Variants in RBP2 observed in about 807,000 individuals in gnomAD.
RBP2 encodes retinol-binding protein 2.
Under a neutral mutation model 17.0 loss-of-function variants are expected in RBP2, and 17 were observed. That is an observed-to-expected ratio of 1.00 (90% CI 0.68 to 1.50). The LOEUF (loss-of-function observed/expected upper bound fraction) is 1.50, where lower values mean the gene tolerates loss of function less well. Ranked by LOEUF, RBP2 falls within the 40% of genes most tolerant of loss-of-function variation. The pLI is 0.00. For missense variants in RBP2, 158 were observed against 168.2 expected, an observed-to-expected ratio of 0.94 and a Z score of 0.33; for synonymous variants, 48 against 57.1, an observed-to-expected ratio of 0.84 and a Z score of 0.72.
At chr3:139,460,079 A>G (rs1453686634) in intron 2 of RBP2, among the ~76,000 whole-genome samples, 10 of 152,200 alleles carry the variant, frequency 6.6e-5, no homozygotes, top group African/African-American at 2.4e-4. Flanking sequence ...GTCACAAAGG[A>G]TCAAGTCAGA....
rs371742089 is a variant in RBP2 at position 139,453,109 on chromosome 3, G to A, written c.*7C>T. ...AGCTTGTGCTTGGCAGGCCTCCCAC[G>A]TCGCCATCATTTCTTTTTGAACACT... is the stretch of plus-strand genomic sequence containing the variant. On this transcript the variant is annotated 3_prime_UTR_variant, in exon 4 of 4. Transcript: ENST00000232217. 98 of 1,613,972 alleles carry A rather than the reference G, an allele frequency of 6.1e-5. No homozygotes were observed. The highest frequency in any genetic ancestry group is 3.1e-4 in the East Asian group (14 of 44,884).
At chr3:139,456,293 T>C (rs1932956473) in intron 2 of RBP2, among the ~76,000 whole-genome samples, 1 of 149,220 alleles carries the variant, frequency 6.7e-6, no homozygotes, top group African/African-American at 2.6e-5. Context: ...TTTGGGCCTG[T>C]TTTTTTTGGT....
chr3:139,475,579 C>G (rs1210796909), intron 1 of RBP2, among the ~76,000 whole-genome samples: 2 of 152,126 alleles, frequency 1.3e-5, no homozygotes, highest in Non-Finnish European at 2.9e-5. Context: ...GAAGTTACCC[C>G]ATATGTGGAG....
At chr3:139,466,984 G>T (rs1398204028) in intron 1 of RBP2, among the ~76,000 whole-genome samples, 1 of 152,058 alleles carries the variant, frequency 6.6e-6, no homozygotes, top group Non-Finnish European at 1.5e-5. Context: ...GCTCCCCTCT[G>T]CCTGCCAACA....
chr3:139,455,289 C>T (rs1170814478), intron 2 of RBP2, among the ~76,000 whole-genome samples: 1 of 152,158 alleles, frequency 6.6e-6, no homozygotes, highest in South Asian at 2.1e-4. Flanking sequence ...CTTAATAGTT[C>T]ACGTTAACAA....
intron 1 of RBP2, among the ~76,000 whole-genome samples, chr3:139,465,433 T>A (rs952186397): frequency 1.7e-4 from 26 of 152,168 alleles, no homozygotes; most frequent in Non-Finnish European, 3.4e-4. Flanking sequence ...TTTTATTTTA[T>A]CCTCATTTTG....
chr3:139,463,437 C>T (rs961870116), intron 1 of RBP2, among the ~76,000 whole-genome samples: 1 of 152,212 alleles, frequency 6.6e-6, no homozygotes, highest in South Asian at 2.1e-4. Flanking sequence ...CTGCCCACCT[C>T]GGCCTCCCAA....
rs1483424925 is a variant in RBP2, at chr3:139,462,290, T to C, written c.74A>G (p.Asp25Gly). 1 of 1,614,084 alleles carries C rather than the reference T, an allele frequency of 6.2e-7. No homozygotes were observed. Among genetic ancestry groups the C allele is most frequent in the Non-Finnish European group, 8.5e-7 (1 of 1,179,954 alleles). ...AATCTTGCGGGTGGCAAAATCAATA[T>C]CTGTTGGCAAAGGGAGTTGTGGAGG... Reference protein sequence around the residue: ...ENFEGYMKALDIDFATRKIAV... With the variant: ...ENFEGYMKALGIDFATRKIAV... Residue 25 changes from aspartate to glycine, a missense_variant and splice_region_variant, in exon 2 of 4, where the codon GAT becomes GGT. By Grantham distance (94) the Asp-to-Gly change is moderately conservative. Transcript: ENST00000232217.
intron 1 of RBP2, among the ~76,000 whole-genome samples, chr3:139,474,229 C>A (rs567674875): frequency 1.3e-5 from 2 of 152,188 alleles, no homozygotes; most frequent in African/African-American, 4.8e-5. Flanking sequence ...CCCTTACTCA[C>A]ATTAAAGGTG....
At chr3:139,475,068 T>G (rs775972746) in intron 1 of RBP2, among the ~76,000 whole-genome samples, 26 of 152,162 alleles carry the variant, frequency 1.7e-4, no homozygotes, top group Non-Finnish European at 1.9e-4. Flanking sequence ...ACGTCTGTAA[T>G]CCCAGCACTT....
intron 2 of RBP2, among the ~76,000 whole-genome samples, chr3:139,455,130 A>G (rs1482653754): frequency 6.6e-6 from 1 of 152,226 alleles, no homozygotes; most frequent in Non-Finnish European, 1.5e-5. Flanking sequence ...ATTTCACTAT[A>G]TAACGATGTA....
intron 2 of RBP2, among the ~76,000 whole-genome samples, chr3:139,456,770 AAAGC>A (rs1932983648): frequency 6.6e-6 from 1 of 152,194 alleles, no homozygotes; most frequent in African/African-American, 2.4e-5. Context: ...TCATATTCCC[AAAGC>A]TAATTTGAAA....
rs202089726 is a variant in RBP2 at position 139,462,031 on chromosome 3, AT to A, written c.252+80del. On this transcript the variant is annotated intron_variant, in intron 2 of 3. Coordinates refer to ENST00000232217, the MANE Select transcript of RBP2 (RefSeq NM_004164.3). ...TGATTTTTCCCAGGTTGTTTCTAAT[AT>A]TTTTTTTTTCATCATGATACCAAAT... is the stretch of plus-strand genomic sequence containing the variant. 3,051 of 1,332,902 alleles carry A rather than the reference AT, an allele frequency of 2.3e-3. 14 individuals are homozygous for A. Among genetic ancestry groups the A allele is most frequent in the African/African-American group, 0.018 (1,224 of 67,204 alleles). 82.6% of individuals were successfully genotyped at this position (1,332,902 alleles called of 1,614,324 possible).
chr3:139,453,134 T>C lies in RBP2; in HGVS notation c.387A>G (p.Gln129=), dbSNP rs758299337. The part of the protein sequence containing the change: ...ELTCGDQVCR[Q]VFKKK ...GTCGCCATCATTTCTTTTTGAACAC[T>C]TGACGGCACACCTGGTCACCACAGG... Residue 129 remains glutamine (Q), a synonymous_variant, in exon 4 of 4, where the codon CAA becomes CAG. Coordinates refer to ENST00000232217, the MANE Select transcript of RBP2 (RefSeq NM_004164.3). 1 of 1,614,142 alleles carries C rather than the reference T, an allele frequency of 6.2e-7. No homozygotes were observed.
At chr3:139,454,087 T>C (rs1177331146) in intron 3 of RBP2, among the ~76,000 whole-genome samples, 1 of 152,114 alleles carries the variant, frequency 6.6e-6, no homozygotes, top group Non-Finnish European at 1.5e-5. Flanking sequence ...CATTTACAAA[T>C]GAGCGAAAAA....
chr3:139,476,320 G>A (rs138170183), intron 1 of RBP2, 67 bp downstream of exon 1: 1 of 1,378,966 alleles, frequency 7.3e-7, no homozygotes, highest in African/African-American at 1.4e-5. Context: ...TAGCAGCACT[G>A]TCTGGAGGGC....
At chr3:139,466,450 A>G (rs1933369043) in intron 1 of RBP2, 1 of 152,208 alleles carries the variant, frequency 6.6e-6, no homozygotes, top group African/African-American at 2.4e-5. Context: ...AAATTGCTAC[A>G]AGCCACTGAA....
chr3:139,459,459 AAT>A (rs1388893425), intron 2 of RBP2, among the ~76,000 whole-genome samples: 1 of 112,350 alleles, frequency 8.9e-6, no homozygotes, highest in Non-Finnish European at 1.8e-5. Context: ...TTTATATATA[AAT>A]ATATATATAT....
chr3:139,473,906 C>G (rs998547022), intron 1 of RBP2, among the ~76,000 whole-genome samples: 5 of 152,174 alleles, frequency 3.3e-5, no homozygotes, highest in Admixed American at 6.5e-5. Flanking sequence ...GGTCCTGAGA[C>G]ACTGGGCTGT....
Sources: gnomAD v4.1 joint callset for allele counts (sites outside exome capture counted in the v4.1 genomes callset) on GRCh38, gnomAD v4.1.1 for gene constraint, MANE v1.5 for transcripts, NCBI Gene and HGNC (gene_info 2026-07-23, HGNC 2026-07-21) for gene names.